The following TFRC variants were observed in gnomAD, a reference collection of about 807,000 sequenced individuals.
TFRC encodes transferrin receptor protein 1.
A neutral mutation model predicts 85.8 loss-of-function variants in TFRC; 35 were observed. The ratio of observed to expected loss-of-function variants is 0.41; its 90% confidence interval spans 0.31 to 0.54. The LOEUF is 0.54. Among genes scored for constraint, TFRC ranks in the 20% least tolerant of loss-of-function variants. The pLI is 0.31. For synonymous variants in TFRC, 362 were observed against 328.6 expected, an observed-to-expected ratio of 1.10 and a Z score of -1.10; for missense variants, 828 against 921.5, an observed-to-expected ratio of 0.90 and a Z score of 1.31.
At chr3:196,080,539 G>A (rs979707145) in intron 1 of TFRC, among the ~76,000 whole-genome samples, 6 of 152,210 alleles carry the variant, frequency 3.9e-5, no homozygotes, top group Non-Finnish European at 8.8e-5. Flanking sequence ...GCGCCCAGCC[G>A]AGGGTCATTT....
chr3:196,076,916 G>C, intron 2 of TFRC, 148 bp downstream of exon 2: 1 of 688,684 alleles, frequency 1.5e-6, no homozygotes, highest in Non-Finnish European at 2.5e-6. Context: ...CTCTTTGTGA[G>C]ATCAGTTATG....
In TFRC at chr3:196,049,716, T is replaced by C; in HGVS notation, c.*2226A>G. The C allele has an allele frequency of 4.3e-6, 1 of 230,318 alleles. No individual in the cohort carries two copies. Among genetic ancestry groups the C allele is most frequent in the Non-Finnish European group, 8.6e-6 (1 of 116,258 alleles). 14.3% of individuals were successfully genotyped at this position (230,318 alleles called of 1,614,324 possible). On this transcript the variant is annotated 3_prime_UTR_variant, in exon 19 of 19. Transcript: ENST00000360110. ...AACATGCCACATGCTTTCATTTAAG[T>C]ACGTGTGCGTAACACCCGAACCAGG...
chr3:196,053,587 G>C, intron 17 of TFRC, 29 bp from the exon 18 acceptor site: 1 of 1,611,464 alleles, frequency 6.2e-7, no homozygotes, highest in Non-Finnish European at 8.5e-7. Context: ...GCTATGAGAA[G>C]TTTTATTTCT....
At position 196,064,304 on chromosome 3, in the gene TFRC, T is replaced by C. The variant is rs1717527770; in HGVS notation, c.1318+5A>G. ...TATTCAAAAGAATCAAAATTTGTAC[T>C]CTACCTTTTAAGACCATATCTGAGA... On this transcript the variant is annotated splice_donor_5th_base_variant and intron_variant, in intron 11 of 18. Coordinates refer to ENST00000360110, the MANE Select transcript of TFRC (RefSeq NM_001128148.3). 6.2e-7 allele frequency: 1 copy of C among 1,605,776 alleles called. No individual in the cohort carries two copies. The highest frequency in any genetic ancestry group is 8.5e-7 in the Non-Finnish European group (1 of 1,177,782).
At chr3:196,053,695 T>C in intron 17 of TFRC, 137 bp from the exon 18 acceptor site, 1 of 1,004,560 alleles carries the variant, frequency 1.0e-6, no homozygotes, top group South Asian at 1.6e-5. Flanking sequence ...GAAAGCACCT[T>C]GCACAGGGGT....
chr3:196,080,923 G>A (rs1481178052), intron 1 of TFRC, among the ~76,000 whole-genome samples: 1 of 152,152 alleles, frequency 6.6e-6, no homozygotes, highest in Non-Finnish European at 1.5e-5. Context: ...ATATAAGCAT[G>A]GGGTAGCCAA....
At chr3:196,078,427 G>A (rs979085669) in intron 1 of TFRC, among the ~76,000 whole-genome samples, 2 of 152,150 alleles carry the variant, frequency 1.3e-5, no homozygotes, top group Admixed American at 1.3e-4. Flanking sequence ...GGGAGGCCGA[G>A]GCAGGTGGAT....
At position 196,050,563 on chromosome 3, in the gene TFRC, T is replaced by C. The variant is rs1716231035; in HGVS notation, c.*1379A>G. On this transcript the variant is annotated 3_prime_UTR_variant, in exon 19 of 19. Coordinates refer to ENST00000360110, the MANE Select transcript of TFRC (RefSeq NM_001128148.3). ...GACACTGTGGTAGGTAAAAACTACC[T>C]TGTTCTTTATACATTATGGAAGACA... The C allele has an allele frequency of 4.9e-6, 1 of 203,552 alleles. No individual in the cohort carries two copies. The highest frequency in any genetic ancestry group is 1.0e-5 in the Non-Finnish European group (1 of 99,070). The allele number at this position is 203,552 out of a possible 1,614,324, so 12.6% of individuals were successfully genotyped here.
chr3:196,058,178 G>T, intron 16 of TFRC, 106 bp downstream of exon 16: 1 of 863,066 alleles, frequency 1.2e-6, no homozygotes, highest in Non-Finnish European at 1.9e-6. Context: ...TATGTACATA[G>T]TTGACTATAG....
chr3:196,052,434 C>G (rs188275440), intron 18 of TFRC, among the ~76,000 whole-genome samples: 415 of 151,628 alleles, frequency 2.7e-3, no homozygotes, highest in Non-Finnish European at 4.5e-3. Flanking sequence ...TGTGAGCCAC[C>G]GTGCCCGGCT....
intron 16 of TFRC, among the ~76,000 whole-genome samples, chr3:196,056,657 C>A (rs1716820581): frequency 1.3e-5 from 2 of 152,196 alleles, no homozygotes; most frequent in African/African-American, 4.8e-5. Context: ...CCGCCTTGGC[C>A]TCCCAAATGC....
At position 196,071,497 on chromosome 3, in the gene TFRC, C is replaced by T. The variant is rs780997842; in HGVS notation, c.586G>A (p.Ala196Thr). 1.5e-5 allele frequency: 25 copies of T among 1,613,644 alleles called. 1 individual carries two copies. In the East Asian group the frequency reaches 4.2e-4, roughly 27 times the overall value. The change falls in exon 6 of 19, where the codon GCT becomes ACT. Residue 196 changes from alanine to threonine, a missense_variant and splice_region_variant. Coordinates refer to ENST00000360110, the MANE Select transcript of TFRC (RefSeq NM_001128148.3). ...TCAACTATGATCACCGAGTTTTGAG[C>T]GCTGTTAAAAAGATTAAGTTAAAAT... ...HFVKIQVKDSAQNSVIIVDKN... is the reference protein window; with the variant it reads ...HFVKIQVKDSTQNSVIIVDKN...
chr3:196,056,249 T>G lies in TFRC; in HGVS notation c.1678-948A>C, dbSNP rs549032308. On this transcript the variant is annotated intron_variant, in intron 16 of 18. Coordinates refer to ENST00000360110, the MANE Select transcript of TFRC (RefSeq NM_001128148.3). ...TCTAGGCACGTTACCCAGGCTGGTC[T>G]CACTCCTGGCCTCAAGTGATCTGCC... Among the ~76,000 whole-genome samples the G allele has an allele frequency of 1.1e-4, 17 of 152,256 alleles. No homozygotes were observed. In the South Asian group the frequency reaches 3.3e-3, roughly 30 times the overall value.
chr3:196,081,045 C>T (rs1185462509), intron 1 of TFRC, among the ~76,000 whole-genome samples: 1 of 152,176 alleles, frequency 6.6e-6, no homozygotes, highest in South Asian at 2.1e-4. Flanking sequence ...AGAGGGAAAG[C>T]GTTATCCGAA....
intron 4 of TFRC, chr3:196,072,760 G>C (rs1396015754): frequency 3.3e-5 from 5 of 151,946 alleles, no homozygotes. Context: ...AAAAGGAAAA[G>C]ATAAATTTAT....
At chr3:196,060,050 C>A (rs41297493) in intron 14 of TFRC, 130 bp downstream of exon 14, 2 of 666,686 alleles carry the variant, frequency 3.0e-6, no homozygotes, top group Admixed American at 5.8e-5. Context: ...CCTTAAATAA[C>A]GCTGCTATAA....
intron 6 of TFRC, 28 bp downstream of exon 6, chr3:196,071,368 G>T: frequency 6.4e-7 from 1 of 1,556,048 alleles, no homozygotes; most frequent in Non-Finnish European, 8.9e-7. Context: ...ATAGGGAAGA[G>T]TCTCATGCAC....
rs374084429 is a variant in TFRC, at chr3:196,061,551, G to A, written c.1468+1031C>T. 3.9e-3 allele frequency among the ~76,000 whole-genome samples: 586 copies of A among 151,810 alleles called. 2 individuals are homozygous for A. The highest frequency in any genetic ancestry group is 0.013 in the African/African-American group (545 of 41,370). ...GTCGCCCAGGCTGGAGGGCAATGGC[G>A]CCATCTTGGCTCACTGCAACCTCTG... On this transcript the variant is annotated intron_variant, in intron 13 of 18. Coordinates refer to ENST00000360110, the MANE Select transcript of TFRC (RefSeq NM_001128148.3).
At chr3:196,065,722 T>G in intron 9 of TFRC, 122 bp from the exon 10 acceptor site, 1 of 1,098,022 alleles carries the variant, frequency 9.1e-7, no homozygotes, top group African/African-American at 1.6e-5. Flanking sequence ...CCCGGCGAAG[T>G]GGCTCACCCC....
Sources: gnomAD v4.1 joint callset for allele counts (sites outside exome capture counted in the v4.1 genomes callset) on GRCh38, gnomAD v4.1.1 for gene constraint, MANE v1.5 for transcripts, NCBI Gene and HGNC (gene_info 2026-07-23, HGNC 2026-07-21) for gene names.